The following KIAA0825 variants were observed in gnomAD, a reference collection of about 807,000 sequenced individuals.
KIAA0825 encodes the protein uncharacterized protein KIAA0825.
In KIAA0825, 119 loss-of-function variants were observed where a neutral mutation model predicts 147.6. The observed-to-expected ratio is 0.81, with a 90% CI of 0.69 to 0.94. KIAA0825 has a LOEUF of 0.94. KIAA0825 is among the 40% of genes least tolerant of loss of function. The pLI is 0.00. For synonymous variants in KIAA0825, 470 were observed against 518.1 expected, an observed-to-expected ratio of 0.91 and a Z score of 1.26; for missense variants, 1,381 against 1,472.7, an observed-to-expected ratio of 0.94 and a Z score of 1.02.
rs34563969 is a variant in KIAA0825, at chr5:94,503,065, CAA to C, written c.970+17181_970+17182del. Among the ~76,000 whole-genome samples, 12 of 142,286 alleles carry C rather than the reference CAA, an allele frequency of 8.4e-5. No homozygotes were observed. In the East Asian group the frequency reaches 1.4e-3, roughly 17 times the overall value. 93.3% of individuals were successfully genotyped at this position (142,286 alleles called of 152,430 possible). A position where few individuals can be genotyped will look rare whatever the true frequency, so the allele number is the denominator to read the frequency against. On this transcript the variant is annotated intron_variant, in intron 5 of 20. Coordinates refer to ENST00000682413, the MANE Select transcript of KIAA0825 (RefSeq NM_001145678.3). The stretch of plus-strand genomic sequence containing the variant: ...CAGAGGTTGCAGTGAGACTCCATCT[CAA>C]AAAAAAATATATATATATATGATAT...
At chr5:94,399,677 T>C (rs1041105577) in intron 16 of KIAA0825, among the ~76,000 whole-genome samples, 1 of 152,094 alleles carries the variant, frequency 6.6e-6, no homozygotes, top group Non-Finnish European at 1.5e-5. Context: ...TGTAACATAT[T>C]GTGTCATCCA....
At chr5:94,195,354 A>G (rs1453351284) in intron 20 of KIAA0825, among the ~76,000 whole-genome samples, 3 of 152,226 alleles carry the variant, frequency 2.0e-5, no homozygotes, top group Non-Finnish European at 4.4e-5. Flanking sequence ...TACAGAACAC[A>G]AAAATGTAAT....
chr5:94,431,181 A>G (rs1188355939), intron 14 of KIAA0825, among the ~76,000 whole-genome samples: 1 of 152,226 alleles, frequency 6.6e-6, no homozygotes, highest in East Asian at 1.9e-4. Context: ...TAAGTTAAGT[A>G]CCTACTATGT....
chr5:94,393,934 C>T (rs184021641), intron 17 of KIAA0825, among the ~76,000 whole-genome samples: 3 of 151,774 alleles, frequency 2.0e-5, no homozygotes, highest in East Asian at 1.9e-4. Context: ...CGGCAACCTC[C>T]GCCTCCCGGG....
intron 20 of KIAA0825, among the ~76,000 whole-genome samples, chr5:94,316,692 C>T (rs1415799916): frequency 6.6e-6 from 1 of 151,706 alleles, no homozygotes; most frequent in African/African-American, 2.4e-5. Context: ...TATCTTCCTC[C>T]GTCAGGCTTT....
chr5:94,427,440 G>A (rs114105861), intron 14 of KIAA0825, among the ~76,000 whole-genome samples: 1,555 of 152,198 alleles, frequency 0.01, 27 homozygotes, highest in Middle Eastern at 0.027. Context: ...GGAGGCTGAC[G>A]TGCAAGGATT....
chr5:94,532,383 T>G (rs1770972164), intron 3 of KIAA0825, among the ~76,000 whole-genome samples: 1 of 152,002 alleles, frequency 6.6e-6, no homozygotes, highest in African/African-American at 2.4e-5. Flanking sequence ...ATTCCTGAGC[T>G]CAAAAGATCT....
At chr5:94,372,219 G>A (rs900889989) in intron 20 of KIAA0825, among the ~76,000 whole-genome samples, 1 of 152,160 alleles carries the variant, frequency 6.6e-6, no homozygotes, top group Non-Finnish European at 1.5e-5. Flanking sequence ...AGCTTTTCTA[G>A]GTGTGTGGTG....
intron 2 of KIAA0825, among the ~76,000 whole-genome samples, chr5:94,573,051 G>A (rs1425611557): frequency 1.5e-5 from 2 of 136,510 alleles, no homozygotes; most frequent in Non-Finnish European, 3.1e-5. Context: ...AGGGAGAAAT[G>A]AGACATCAAT....
intron 20 of KIAA0825, among the ~76,000 whole-genome samples, chr5:94,340,316 G>A (rs758910077): frequency 4.6e-5 from 7 of 151,920 alleles, no homozygotes; most frequent in East Asian, 1.9e-4. Flanking sequence ...GAAAAAAGTC[G>A]GTACATGTTT....
intron 20 of KIAA0825, among the ~76,000 whole-genome samples, chr5:94,175,171 C>A (rs183157573): frequency 3.4e-4 from 51 of 152,222 alleles, no homozygotes; most frequent in Admixed American, 3.3e-3. Context: ...TAGAAATTGG[C>A]CTGCTGTTTT....
At chr5:94,261,983 T>C (rs1776517376) in intron 20 of KIAA0825, among the ~76,000 whole-genome samples, 1 of 151,976 alleles carries the variant, frequency 6.6e-6, no homozygotes, top group Admixed American at 6.6e-5. Context: ...CTAATAAATA[T>C]GAGTATATAA....
At chr5:94,344,562 C>G (rs1479332933) in intron 20 of KIAA0825, among the ~76,000 whole-genome samples, 1 of 152,076 alleles carries the variant, frequency 6.6e-6, no homozygotes, top group Non-Finnish European at 1.5e-5. Flanking sequence ...GTATATAACC[C>G]AAACGACTGA....
At chr5:94,407,870 T>G (rs922050645) in intron 15 of KIAA0825, among the ~76,000 whole-genome samples, 1 of 152,202 alleles carries the variant, frequency 6.6e-6, no homozygotes, top group Non-Finnish European at 1.5e-5. Context: ...GTTATAAAAA[T>G]GCAATTGCCT....
chr5:94,384,519 G>T, intron 19 of KIAA0825, 61 bp from the exon 20 acceptor site: 1 of 1,348,026 alleles, frequency 7.4e-7, no homozygotes, highest in Non-Finnish European at 1.0e-6. Flanking sequence ...AATATGATCA[G>T]TAAATTAAAG....
At chr5:94,489,430 T>G (rs111269153) in intron 5 of KIAA0825, among the ~76,000 whole-genome samples, 3,188 of 152,244 alleles carry the variant, frequency 0.021, 102 homozygotes, top group African/African-American at 0.073. Flanking sequence ...TGCTAGAGTT[T>G]GAGACTCCTG....
chr5:94,570,301 C>T (rs1055551320), intron 2 of KIAA0825: 4 of 153,358 alleles, frequency 2.6e-5, no homozygotes, highest in African/African-American at 9.7e-5. Context: ...GCGACCCAGA[C>T]AACTACACCC....
At chr5:94,449,221 GAGAAAACTCTCCAGGAAATAAGCC>G (rs1359659036) in intron 13 of KIAA0825, among the ~76,000 whole-genome samples, 1 of 152,182 alleles carries the variant, frequency 6.6e-6, no homozygotes, top group Non-Finnish European at 1.5e-5. Context: ...AACTGGAGCA[GAGAAAACTCTCCAGGAAATAAGCC>G]AGAAAACTCT....
At chr5:94,489,692 C>G (rs1480073319) in intron 5 of KIAA0825, among the ~76,000 whole-genome samples, 3 of 151,616 alleles carry the variant, frequency 2.0e-5, no homozygotes, top group African/African-American at 7.3e-5. Context: ...TCGAGATCAG[C>G]CTGGCCAACA....
Sources: gnomAD v4.1 joint callset for allele counts (sites outside exome capture counted in the v4.1 genomes callset) on GRCh38, gnomAD v4.1.1 for gene constraint, MANE v1.5 for transcripts, NCBI Gene and HGNC (gene_info 2026-07-23, HGNC 2026-07-21) for gene names.